Variants in INPP5D observed in about 807,000 individuals in gnomAD.
INPP5D encodes phosphatidylinositol 3,4,5-trisphosphate 5-phosphatase 1.
INPP5D carries 33 observed loss-of-function variants against 122.9 expected under a neutral mutation model. That is an observed-to-expected ratio of 0.27 (90% confidence interval 0.20 to 0.36). INPP5D has a LOEUF of 0.36. INPP5D is among the 10% of genes least tolerant of loss of function. The pLI is 1.00. For missense variants in INPP5D, 1,053 were observed against 1,412.7 expected (o/e 0.75, Z 4.08); for synonymous variants, 584 against 576.2 (o/e 1.01, Z -0.19).
At chr2:233,146,120 G>T in intron 6 of INPP5D, 42 bp from the exon 7 acceptor site, 1 of 704,190 alleles carries the variant, frequency 1.4e-6, no homozygotes, top group Non-Finnish European at 2.6e-6. Context: ...GATGGTTCAG[G>T]TTCAGTGATG....
intron 22 of INPP5D, among the ~76,000 whole-genome samples, chr2:233,193,293 A>C (rs964702138): frequency 2.0e-5 from 3 of 152,196 alleles, no homozygotes; most frequent in Admixed American, 6.5e-5. Flanking sequence ...AGGAAAGTGG[A>C]ACTATTTTCC....
rs1297347687 is a variant in INPP5D, at chr2:233,160,310, G to A, written c.1138-1414G>A. ...AAATTTGTGTACTTTGTTAAAGTCC[G>A]CCTGCTCTATTGATTGCATCCTAAG... On this transcript the variant is annotated intron_variant, in intron 10 of 26. Coordinates refer to ENST00000445964, the MANE Select transcript of INPP5D (RefSeq NM_001017915.3). This position sits in a 1 kb window ranked among gnomAD's most constrained non-coding sequence, Gnocchi z 4.2. Among the ~76,000 whole-genome samples, 1 of 152,128 alleles carries A rather than the reference G, an allele frequency of 6.6e-6. No homozygotes were observed. The highest frequency in any genetic ancestry group is 6.5e-5 in the Admixed American group (1 of 15,274).
chr2:233,190,077 A>T, intron 22 of INPP5D, 140 bp downstream of exon 22: 16 of 1,336,870 alleles, frequency 1.2e-5, no homozygotes, highest in Non-Finnish European at 1.6e-5. Context: ...TGCTAGTGGG[A>T]CCGTCACCAC....
chr2:233,084,662 T>C (rs1691784779), intron 2 of INPP5D, among the ~76,000 whole-genome samples: 1 of 152,198 alleles, frequency 6.6e-6, no homozygotes, highest in African/African-American at 2.4e-5. Context: ...GTGGCAGCTG[T>C]TATTGTTCTG....
intron 5 of INPP5D, among the ~76,000 whole-genome samples, chr2:233,137,078 A>G (rs1693482802): frequency 6.6e-6 from 1 of 152,214 alleles, no homozygotes. Context: ...TCTTCAAGAA[A>G]AATATGATTT....
At chr2:233,172,522 G>A (rs1004572468) in intron 17 of INPP5D, among the ~76,000 whole-genome samples, 2 of 152,232 alleles carry the variant, frequency 1.3e-5, no homozygotes, top group Non-Finnish European at 1.5e-5. Flanking sequence ...AGGATATATT[G>A]CGAGACCTGA....
chr2:233,163,681 C>T (rs772238498), intron 11 of INPP5D, 26 bp from the exon 12 acceptor site: 1 of 1,613,160 alleles, frequency 6.2e-7, no homozygotes, highest in South Asian at 1.1e-5. Context: ...CTTTGACTCA[C>T]TTGGTGTTGG....
intron 2 of INPP5D, among the ~76,000 whole-genome samples, chr2:233,112,594 T>C (rs1692661780): frequency 6.6e-6 from 1 of 152,128 alleles, no homozygotes; most frequent in Non-Finnish European, 1.5e-5. Context: ...GCTGTTGGAG[T>C]GTTGTGGGCT....
intron 5 of INPP5D, among the ~76,000 whole-genome samples, chr2:233,139,031 GGCGTGA>G (rs1322331174): frequency 1.3e-5 from 2 of 152,052 alleles, no homozygotes; most frequent in Admixed American, 6.6e-5. Flanking sequence ...TGGGATTACA[GGCGTGA>G]GCCACCGTGC....
chr2:233,115,270 T>A (rs948353101), intron 2 of INPP5D, among the ~76,000 whole-genome samples: 6 of 152,214 alleles, frequency 3.9e-5, no homozygotes, highest in Non-Finnish European at 8.8e-5. Flanking sequence ...TGTGGGGGGT[T>A]CCTAGCACCC....
intron 2 of INPP5D, among the ~76,000 whole-genome samples, chr2:233,108,044 C>T (rs746033094): frequency 1.4e-4 from 21 of 152,282 alleles, no homozygotes; most frequent in Admixed American, 4.6e-4. Context: ...TCCCCCCTCC[C>T]ACCTCTCAGT....
chr2:233,062,823 A>G (rs1388552771), intron 1 of INPP5D, among the ~76,000 whole-genome samples: 1 of 152,078 alleles, frequency 6.6e-6, no homozygotes, highest in African/African-American at 2.4e-5. Flanking sequence ...CAGACTTTCC[A>G]TACATCTGCA....
intron 3 of INPP5D, among the ~76,000 whole-genome samples, chr2:233,123,283 A>C (rs1026115589): frequency 2.0e-5 from 3 of 151,994 alleles, no homozygotes; most frequent in Admixed American, 2.0e-4. Flanking sequence ...GCGAAACCTT[A>C]TCTCTACTAA....
rs890727565 is a variant in INPP5D at position 233,164,476 on chromosome 2, C to A, written c.1555+52C>A. On this transcript the variant is annotated intron_variant, in intron 13 of 26. Transcript: ENST00000445964. The surrounding 1 kb of genome is among the most constrained non-coding windows in gnomAD (Gnocchi z 4.3). Reference sequence around the variant, plus strand: ...CTCCCACACCCTCTGCCTCAACTCTCGCGACCACATCATCCTGATCCCACC... The same window carrying A: ...CTCCCACACCCTCTGCCTCAACTCTAGCGACCACATCATCCTGATCCCACC... The A allele has an allele frequency of 1.3e-6, 2 of 1,496,118 alleles. No homozygotes were observed. Among genetic ancestry groups the A allele is most frequent in the Non-Finnish European group, 1.8e-6 (2 of 1,113,744 alleles). 92.7% of individuals were successfully genotyped at this position (1,496,118 alleles called of 1,614,324 possible). A position where few individuals can be genotyped will look rare whatever the true frequency, so the allele number is the denominator to read the frequency against.
At position 233,146,190 on chromosome 2, in the gene INPP5D, T is replaced by A. The variant is rs1693754251; in HGVS notation, c.782T>A (p.Met261Lys). Residue 261 changes from methionine to lysine, a missense_variant, in exon 7 of 27, where the codon ATG becomes AAG. By Grantham distance (95) the Met-to-Lys change is moderately conservative. Around this residue, in one of 6 missense-constraint regions of INPP5D, gnomAD observed 196 missense variants for 175.6 expected, o/e 1.12. Transcript: ENST00000445964. ...CCTGGTGAGGCCAATCCCATCAACA[T>A]GGTGTCCAAGCTCAGCCAACTGACA... ...QVPGEANPIN[M>K]VSKLSQLTSL... 1 of 704,262 alleles carries A rather than the reference T, an allele frequency of 1.4e-6. No individual in the cohort carries two copies. Among genetic ancestry groups the A allele is most frequent in the East Asian group, 2.7e-5 (1 of 37,418 alleles). The allele number at this position is 704,262 out of a possible 1,614,324, so 43.6% of individuals were successfully genotyped here. A position where few individuals can be genotyped will look rare whatever the true frequency, so the allele number is the denominator to read the frequency against.
chr2:233,170,326 C>T lies in INPP5D; in HGVS notation c.1791+162C>T, dbSNP rs1255785742. The stretch of plus-strand genomic sequence containing the variant: ...TGTTTCCATTACTGAGCCTCAGCCG[C>T]TCCTCACGGTTCCCCTGTGCTCACA... On this transcript the variant is annotated intron_variant, in intron 15 of 26. Transcript: ENST00000445964. This position sits in a 1 kb window ranked among gnomAD's most constrained non-coding sequence, Gnocchi z 4.5. The T allele has an allele frequency of 3.4e-6, 5 of 1,479,560 alleles. No individual in the cohort carries two copies. The highest frequency in any genetic ancestry group is 4.5e-6 in the Non-Finnish European group (5 of 1,105,452). 91.7% of individuals were successfully genotyped at this position (1,479,560 alleles called of 1,614,324 possible).
At chr2:233,119,401 T>C (rs1184440052) in intron 2 of INPP5D, among the ~76,000 whole-genome samples, 1 of 152,240 alleles carries the variant, frequency 6.6e-6, no homozygotes, top group Non-Finnish European at 1.5e-5. Flanking sequence ...TCATGTCAAA[T>C]TATTTTTGTT....
chr2:233,204,037 C>T, intron 25 of INPP5D, 89 bp from the exon 26 acceptor site: 1 of 1,431,410 alleles, frequency 7.0e-7, no homozygotes. Context: ...TTGTATCACC[C>T]CAAAGAAAGA....
intron 9 of INPP5D, among the ~76,000 whole-genome samples, chr2:233,155,981 T>C (rs908783483): frequency 6.6e-6 from 1 of 152,174 alleles, no homozygotes; most frequent in South Asian, 2.1e-4. Flanking sequence ...ACCCAGTGGA[T>C]GATCATATTC....
Sources: allele counts gnomAD v4.1 joint callset (sites outside exome capture counted in the v4.1 genomes callset), GRCh38; gene constraint gnomAD v4.1.1; regional missense constraint gnomAD v4.1.1; non-coding constraint Gnocchi (gnomAD v3.1); transcripts MANE v1.5; gene names NCBI Gene and HGNC (gene_info 2026-07-23, HGNC 2026-07-21).